Variants in FRRS1 observed in about 807,000 individuals in gnomAD.
FRRS1 encodes the protein ferric reductase 1.
A neutral mutation model predicts 70.7 loss-of-function variants in FRRS1; 51 were observed. The ratio of observed to expected loss-of-function variants is 0.72; its 90% CI spans 0.58 to 0.91. The LOEUF is 0.91. Among genes scored for constraint, FRRS1 ranks in the 40% least tolerant of loss-of-function variants. The pLI is 0.00. For missense variants in FRRS1, 672 were observed against 726.0 expected, an observed-to-expected ratio of 0.93 and a Z score of 0.86; for synonymous variants, 225 against 238.7, an observed-to-expected ratio of 0.94 and a Z score of 0.53.
In FRRS1 at chr1:99,709,738, C is replaced by T. The variant is rs550955557; in HGVS notation, c.1625-479G>A. On this transcript the variant is annotated intron_variant, in intron 15 of 16. Coordinates refer to ENST00000646001, the MANE Select transcript of FRRS1 (RefSeq NM_001361041.2). ...ATCCCAGCACTTTGGAAGGAAGAGG[C>T]GGGTAGATCACTTGAGCCCAGGAGT... Among the ~76,000 whole-genome samples, 5 of 152,200 alleles carry T rather than the reference C, an allele frequency of 3.3e-5. No homozygotes were observed. The South Asian group carries it at 1.0e-3, about 32-fold the overall frequency.
At chr1:99,747,744 T>C in intron 3 of FRRS1, 2 of 200,898 alleles carry the variant, frequency 1.0e-5, no homozygotes, top group South Asian at 1.1e-4. Flanking sequence ...GGTACTATGC[T>C]TATCACCTGA....
At chr1:99,762,963 A>G (rs1319169863) in intron 1 of FRRS1, among the ~76,000 whole-genome samples, 1 of 152,180 alleles carries the variant, frequency 6.6e-6, no homozygotes, top group Non-Finnish European at 1.5e-5. Context: ...ACTCAGATTA[A>G]TAAAACACTT....
In FRRS1 at chr1:99,708,441, A is replaced by T. The variant is rs187913506; in HGVS notation, c.*587T>A. Among the ~76,000 whole-genome samples, 633 of 150,288 alleles carry T rather than the reference A, an allele frequency of 4.2e-3. 13 individuals are homozygous for T. Among genetic ancestry groups the T allele is most frequent in the Admixed American group, 4.2e-3 (63 of 15,124 alleles). Reference sequence around the variant, plus strand: ...GAAACCCTGTCTCTACTAAAAATATAAAAAAAATTAGCCCGGCATGGTGGC... The same window carrying T: ...GAAACCCTGTCTCTACTAAAAATATTAAAAAAATTAGCCCGGCATGGTGGC... On this transcript the variant is annotated 3_prime_UTR_variant, in exon 17 of 17. Coordinates refer to ENST00000646001, the MANE Select transcript of FRRS1 (RefSeq NM_001361041.2).
chr1:99,752,381 T>C (rs915572457), intron 1 of FRRS1, among the ~76,000 whole-genome samples: 1 of 152,312 alleles, frequency 6.6e-6, no homozygotes, highest in East Asian at 1.9e-4. Context: ...CAGGCCATTA[T>C]AGGGTTCTTA....
chr1:99,725,385 G>A (rs192865602), intron 9 of FRRS1, among the ~76,000 whole-genome samples: 7 of 152,236 alleles, frequency 4.6e-5, no homozygotes, highest in African/African-American at 1.4e-4. Context: ...GTATCCCCTC[G>A]ACTGCCTTGC....
At chr1:99,725,668 G>A (rs541379793) in intron 9 of FRRS1, among the ~76,000 whole-genome samples, 339 of 152,266 alleles carry the variant, frequency 2.2e-3, no homozygotes, top group Non-Finnish European at 3.1e-3. Flanking sequence ...AACATCAGCC[G>A]GCAAGGGAGG....
chr1:99,748,960 T>C lies in FRRS1; in HGVS notation c.-64A>G. On this transcript the variant is annotated 5_prime_UTR_variant, in exon 2 of 17. Transcript: ENST00000646001. ...TTTCAATCTCAGCTCTACAAATTAC[T>C]GTGAGACTTTGGGCAAATCATTTAA... is the stretch of plus-strand genomic sequence containing the variant. The C allele has an allele frequency of 2.0e-6, 1 of 488,392 alleles. No homozygotes were observed. Among genetic ancestry groups the C allele is most frequent in the East Asian group, 3.3e-5 (1 of 29,912 alleles). 30.3% of individuals were successfully genotyped at this position (488,392 alleles called of 1,614,324 possible).
At chr1:99,709,280 A>G in intron 15 of FRRS1, 21 bp from the exon 16 acceptor site, 2 of 1,541,818 alleles carry the variant, frequency 1.3e-6, no homozygotes, top group Non-Finnish European at 1.8e-6. Flanking sequence ...TAATAACATA[A>G]GTTTTTAAGG....
intron 1 of FRRS1, among the ~76,000 whole-genome samples, chr1:99,762,589 A>G (rs1326762279): frequency 6.6e-6 from 1 of 151,346 alleles, no homozygotes; most frequent in Non-Finnish European, 1.5e-5. Flanking sequence ...CCACAGCTCT[A>G]CAATGCTGTG....
chr1:99,739,792 G>A (rs1458718677), intron 6 of FRRS1, among the ~76,000 whole-genome samples: 2 of 152,074 alleles, frequency 1.3e-5, no homozygotes, highest in African/African-American at 4.8e-5. Flanking sequence ...TGAAAATTAA[G>A]TAATTTGCCC....
At chr1:99,723,771 A>G (rs1654948963) in intron 9 of FRRS1, among the ~76,000 whole-genome samples, 1 of 152,222 alleles carries the variant, frequency 6.6e-6, no homozygotes, top group South Asian at 2.1e-4. Flanking sequence ...CTTTTAAAGC[A>G]GTGAGAAAAC....
chr1:99,734,784 G>A (rs1438353658), intron 7 of FRRS1, among the ~76,000 whole-genome samples: 3 of 152,104 alleles, frequency 2.0e-5, no homozygotes, highest in Non-Finnish European at 4.4e-5. Context: ...GAGACATCAG[G>A]GGGCATAATA....
In FRRS1 at chr1:99,738,100, G is replaced by T. The variant is rs780935389; in HGVS notation, c.745C>A (p.His249Asn). 16 of 1,612,078 alleles carry T rather than the reference G, an allele frequency of 9.9e-6. No individual in the cohort carries two copies. Among genetic ancestry groups the T allele is most frequent in the Non-Finnish European group, 1.3e-5 (15 of 1,178,688 alleles). Residue 249 changes from histidine (H) to asparagine (N), a missense_variant, in exon 7 of 17, where the codon CAT (histidine) becomes AAT (asparagine). Transcript: ENST00000646001. ...SKGYLSFALSHDQWMGDDDAY... is the reference protein window; with the variant it reads ...SKGYLSFALSNDQWMGDDDAY... ...GAGGTACCAACCATCCACTGATCAT[G>T]AGACAATGCAAAGGATAAATAGCCT... is the stretch of plus-strand genomic sequence containing the variant.
intron 1 of FRRS1, among the ~76,000 whole-genome samples, chr1:99,756,372 C>T (rs2788509): frequency 0.038 from 5,719 of 152,178 alleles, 364 homozygotes; most frequent in African/African-American, 0.13. Flanking sequence ...ACCTGAAAGA[C>T]AAGTGCTTAG....
intron 1 of FRRS1, among the ~76,000 whole-genome samples, chr1:99,753,411 C>CGTTT (rs890219256): frequency 1.1e-4 from 16 of 151,070 alleles, no homozygotes; most frequent in Non-Finnish European, 1.9e-4. Context: ...TTTAAAAAGA[C>CGTTT]AAACATTCGA....
rs1356003091 is a variant in FRRS1 at position 99,705,258 on chromosome 1, A to T, written c.*3770T>A. Among the ~76,000 whole-genome samples the T allele has an allele frequency of 2.6e-5, 4 of 152,328 alleles. No homozygotes were observed. In the East Asian group the frequency reaches 7.7e-4, roughly 29 times the overall value. On this transcript the variant is annotated 3_prime_UTR_variant, in exon 17 of 17. Transcript: ENST00000646001. Reference sequence around the variant, plus strand: ...CACACCCTGCAAGGGGGACAAGGGAACATTTCCCGTTTCACTGAGAAGGGC... The same window carrying T: ...CACACCCTGCAAGGGGGACAAGGGATCATTTCCCGTTTCACTGAGAAGGGC...
Position 99,763,175 on chromosome 1 carries a change from G to A in FRRS1, c.-106+3432C>T, listed in dbSNP as rs532437098. On this transcript the variant is annotated intron_variant, in intron 1 of 16. Transcript: ENST00000646001. The stretch of plus-strand genomic sequence containing the variant: ...TTCAAGAATTTTTTTTCCCTATACT[G>A]TAATAACAATGTGCCATCTGCTATT... Among the ~76,000 whole-genome samples the A allele has an allele frequency of 1.3e-3, 192 of 151,942 alleles. 1 individual carries two copies. Among genetic ancestry groups the A allele is most frequent in the Non-Finnish European group, 2.2e-3 (151 of 67,954 alleles).
chr1:99,747,449 G>C lies in FRRS1; in HGVS notation c.197-19C>G, dbSNP rs746462824. 1 of 1,603,332 alleles carries C rather than the reference G, an allele frequency of 6.2e-7. No homozygotes were observed. The highest frequency in any genetic ancestry group is 8.5e-7 in the Non-Finnish European group (1 of 1,176,700). ...AAAGTAACTGAGAAAAAGACAAAAG[G>C]GTTGGTTAAAAAGCTTAGTAATATC... On this transcript the variant is annotated intron_variant, in intron 3 of 16. Coordinates refer to ENST00000646001, the MANE Select transcript of FRRS1 (RefSeq NM_001361041.2).
chr1:99,763,330 T>A (rs925876871), intron 1 of FRRS1, among the ~76,000 whole-genome samples: 1 of 152,182 alleles, frequency 6.6e-6, no homozygotes, highest in Middle Eastern at 3.4e-3. Context: ...TAAAAATAAA[T>A]GTTACACTGA....
Sources: gnomAD v4.1 joint callset for allele counts (sites outside exome capture counted in the v4.1 genomes callset) on GRCh38, gnomAD v4.1.1 for gene constraint, MANE v1.5 for transcripts, NCBI Gene and HGNC (gene_info 2026-07-23, HGNC 2026-07-21) for gene names.